The following ENPP7 variants were observed in gnomAD, a reference collection of about 807,000 sequenced individuals.
The protein encoded by ENPP7 is ectonucleotide pyrophosphatase/phosphodiesterase family member 7.
A neutral mutation model predicts 33.6 loss-of-function variants in ENPP7; 39 were observed. The observed-to-expected ratio is 1.16, with a 90% confidence interval of 0.90 to 1.52. The LOEUF (loss-of-function observed/expected upper bound fraction) is 1.52, where lower values mean the gene tolerates loss of function less well. ENPP7 is among the 40% of genes most tolerant of loss of function. ENPP7 has a pLI of 0.00. For missense variants in ENPP7, 594 were observed against 641.0 expected (o/e 0.93, Z 0.79); for synonymous variants, 244 against 274.3 (o/e 0.89, Z 1.09).
chr17:79,736,969 G>A, intron 3 of ENPP7, 72 bp from the exon 4 acceptor site: 1 of 1,313,838 alleles, frequency 7.6e-7, no homozygotes, highest in Non-Finnish European at 1.1e-6. Context: ...GTGTTCATAG[G>A]GTGGATAGGG....
chr17:79,735,471 G>C lies in ENPP7; in HGVS notation c.828G>C (p.Glu276Asp). The change falls in exon 3 of 6, where the codon GAG (glutamate) becomes GAC (aspartate). Residue 276 changes from glutamate (E) to aspartate (D), a missense_variant. Around this residue, in one of 3 missense-constraint regions of ENPP7, gnomAD observed 504 missense variants for 512.8 expected, o/e 0.98. Coordinates refer to ENST00000328313, the MANE Select transcript of ENPP7 (RefSeq NM_178543.5). This position sits in a 1 kb window ranked among gnomAD's most constrained non-coding sequence, Gnocchi z 5.5. ...TCACCTTCCGGGACATCGAGTTTGA[G>C]CTCCTGGACTACGGACCAAACGGGA... is the stretch of plus-strand genomic sequence containing the variant. ...PNFTFRDIEF[E>D]LLDYGPNGML... 6.2e-7 allele frequency: 1 copy of C among 1,614,106 alleles called. No individual in the cohort carries two copies. The highest frequency in any genetic ancestry group is 8.5e-7 in the Non-Finnish European group (1 of 1,180,030).
Position 79,737,321 on chromosome 17 carries a change from G to T in ENPP7, c.1246+61G>T. On this transcript the variant is annotated intron_variant, in intron 4 of 5. Coordinates refer to ENST00000328313, the MANE Select transcript of ENPP7 (RefSeq NM_178543.5). The surrounding 1 kb of genome is among the most constrained non-coding windows in gnomAD (Gnocchi z 5.5). ...GGTGTGTACACGTGTGCACACGAGGGTGCCTGCATGCCTGTGACCAGGACA... is the reference window on the plus strand; with the variant it reads ...GGTGTGTACACGTGTGCACACGAGGTTGCCTGCATGCCTGTGACCAGGACA... The T allele has an allele frequency of 7.1e-7, 1 of 1,403,608 alleles. No homozygotes were observed. Among genetic ancestry groups the T allele is most frequent in the East Asian group, 2.5e-5 (1 of 40,070 alleles). The allele number at this position is 1,403,608 out of a possible 1,614,324, so 86.9% of individuals were successfully genotyped here.
At position 79,739,949 on chromosome 17, in the gene ENPP7, C is replaced by T. The variant is rs1555824290; in HGVS notation, c.*17-1845C>T. ...GCTTCCGCCTGGAACCCCAGTACTT[C>T]CAGAGGCCGACGCAGGAGGATCGCT... On this transcript the variant is annotated intron_variant, in intron 5 of 5. Coordinates refer to ENST00000328313, the MANE Select transcript of ENPP7 (RefSeq NM_178543.5). The surrounding 1 kb of genome is among the most constrained non-coding windows in gnomAD (Gnocchi z 4.4). Among the ~76,000 whole-genome samples, 1 of 152,200 alleles carries T rather than the reference C, an allele frequency of 6.6e-6. No individual in the cohort carries two copies. The highest frequency in any genetic ancestry group is 2.4e-5 in the African/African-American group (1 of 41,458).
rs536720455 is a variant in ENPP7, at chr17:79,737,631, C to A, written c.1247-285C>A. On this transcript the variant is annotated intron_variant, in intron 4 of 5. Coordinates refer to ENST00000328313, the MANE Select transcript of ENPP7 (RefSeq NM_178543.5). The surrounding 1 kb of genome is among the most constrained non-coding windows in gnomAD (Gnocchi z 5.5). ...CTTTCTGGAATCTTCCTGTATCAGC[C>A]TCCCACACACACACCTCCCCACTGG... Among the ~76,000 whole-genome samples, 27 of 152,316 alleles carry A rather than the reference C, an allele frequency of 1.8e-4. No homozygotes were observed. Among genetic ancestry groups the A allele is most frequent in the African/African-American group, 6.3e-4 (26 of 41,578 alleles).
chr17:79,732,229 A>G lies in ENPP7; in HGVS notation c.253+837A>G, dbSNP rs183150165. ...GAGGTAGAGGCTGCAGTGAGCTGCA[A>G]TCACACCACTGCACTCCAGCCTGGG... is the stretch of plus-strand genomic sequence containing the variant. On this transcript the variant is annotated intron_variant, in intron 1 of 5. Coordinates refer to ENST00000328313, the MANE Select transcript of ENPP7 (RefSeq NM_178543.5). Among the ~76,000 whole-genome samples, 178 of 147,458 alleles carry G rather than the reference A, an allele frequency of 1.2e-3. 2 individuals are homozygous for G. Among genetic ancestry groups the G allele is most frequent in the African/African-American group, 4.1e-3 (167 of 40,264 alleles).
At chr17:79,741,714 C>A in intron 5 of ENPP7, 80 bp from the exon 6 acceptor site, 1 of 815,520 alleles carries the variant, frequency 1.2e-6, no homozygotes, top group Non-Finnish European at 1.5e-6. Context: ...CGCACCGCTG[C>A]TTCACCTGTC....
rs139008925 is a variant in ENPP7 at position 79,735,668 on chromosome 17, G to A, written c.1025G>A (p.Gly342Glu). Residue 342 changes from glycine (G) to glutamate (E), a missense_variant and splice_region_variant, in exon 3 of 6, where the codon GGG becomes GAG. Around this residue, in one of 3 missense-constraint regions of ENPP7, gnomAD observed 504 missense variants for 512.8 expected, o/e 0.98. Transcript: ENST00000328313. The surrounding 1 kb of genome is among the most constrained non-coding windows in gnomAD (Gnocchi z 5.5). ...AGCGACCTTGGCTACGTCATCCATG[G>A]GGTGAGTCGCCTGCTGGAGGCACCA... The part of the protein sequence containing the change: ...MYSDLGYVIH[G>E]RINVQFNNGE... 9 of 1,601,484 alleles carry A rather than the reference G, an allele frequency of 5.6e-6. No homozygotes were observed. The African/African-American group carries it at 1.2e-4, about 21-fold the overall frequency.
At chr17:79,736,105 A>G (rs981095229) in intron 3 of ENPP7, among the ~76,000 whole-genome samples, 2 of 152,096 alleles carry the variant, frequency 1.3e-5, no homozygotes, top group South Asian at 4.1e-4. Context: ...GAGTTTCACC[A>G]TGTTGGCCAG....
In ENPP7 at chr17:79,730,948, C is replaced by G. The variant is rs1178804778; in HGVS notation, c.-192C>G. On this transcript the variant is annotated 5_prime_UTR_variant, in exon 1 of 6. Coordinates refer to ENST00000328313, the MANE Select transcript of ENPP7 (RefSeq NM_178543.5). ...GCTCAAGTTGATGCCACCCCACGCA[C>G]GTGAGGCTGGGACCAGGGGTGGCAC... is the stretch of plus-strand genomic sequence containing the variant. The G allele has an allele frequency of 3.9e-5, 24 of 613,682 alleles. No individual in the cohort carries two copies. Among genetic ancestry groups the G allele is most frequent in the Non-Finnish European group, 1.1e-5 (4 of 354,462 alleles). 38.0% of individuals were successfully genotyped at this position (613,682 alleles called of 1,614,324 possible).
intron 5 of ENPP7, among the ~76,000 whole-genome samples, chr17:79,740,905 TG>T (rs1204835752): frequency 2.6e-5 from 4 of 152,330 alleles, no homozygotes; most frequent in African/African-American, 9.6e-5. Flanking sequence ...TGCTAAGAGC[TG>T]GGGGGTCCGA....
Position 79,733,443 on chromosome 17 carries a change from C to T in ENPP7, c.254-65C>T, listed in dbSNP as rs1233219076. 4 of 1,551,948 alleles carry T rather than the reference C, an allele frequency of 2.6e-6. No homozygotes were observed. In the Admixed American group the frequency reaches 6.9e-5, roughly 27 times the overall value. On this transcript the variant is annotated intron_variant, in intron 1 of 5. Coordinates refer to ENST00000328313, the MANE Select transcript of ENPP7 (RefSeq NM_178543.5). ...TGTTTTGACTTCGCCTCTTCCAGCC[C>T]TGGGTCCGGCCTTCGCTGTGACCCC...
rs1170829898 is a variant in ENPP7 at position 79,735,529 on chromosome 17, G to A, written c.886G>A (p.Val296Met). ...LLPKEGRLEKVYDALKDAHPK... is the reference protein window; with the variant it reads ...LLPKEGRLEKMYDALKDAHPK... Reference sequence around the variant, plus strand: ...CCCTAAAGAAGGGAGGCTGGAGAAGGTGTACGATGCCCTCAAGGACGCCCA... The same window carrying A: ...CCCTAAAGAAGGGAGGCTGGAGAAGATGTACGATGCCCTCAAGGACGCCCA... Residue 296 changes from valine to methionine, a missense_variant, in exon 3 of 6, where the codon GTG becomes ATG. Val to Met is a conservative substitution (Grantham distance 21, BLOSUM62 1). This residue lies in a region of ENPP7 where 504 missense variants were observed against 512.8 expected (regional missense o/e 0.98). Transcript: ENST00000328313. The surrounding 1 kb of genome is among the most constrained non-coding windows in gnomAD (Gnocchi z 5.5). 1.2e-6 allele frequency: 2 copies of A among 1,613,846 alleles called. No homozygotes were observed. Among genetic ancestry groups the A allele is most frequent in the African/African-American group, 1.3e-5 (1 of 74,906 alleles).
At chr17:79,741,008 A>G (rs1322181895) in intron 5 of ENPP7, among the ~76,000 whole-genome samples, 1 of 151,728 alleles carries the variant, frequency 6.6e-6, no homozygotes, top group Non-Finnish European at 1.5e-5. Flanking sequence ...TTTTTTACAC[A>G]GATTCTCACT....
chr17:79,731,836 G>A (rs186324487), intron 1 of ENPP7, among the ~76,000 whole-genome samples: 1,608 of 152,206 alleles, frequency 0.011, 35 homozygotes, highest in African/African-American at 0.037. Context: ...AGTGGCCCAC[G>A]CCTGTAATCC....
intron 5 of ENPP7, among the ~76,000 whole-genome samples, chr17:79,741,501 C>T (rs1389143712): frequency 6.6e-6 from 1 of 152,182 alleles, no homozygotes. Flanking sequence ...CCCTCCCCTC[C>T]CAGCCCTGGG....
intron 2 of ENPP7, among the ~76,000 whole-genome samples, chr17:79,734,508 C>T (rs148936861): frequency 0.04 from 5,868 of 146,380 alleles, 144 homozygotes; most frequent in South Asian, 0.089. Context: ...GACGGAGTCT[C>T]GCTCTGTCGC....
intron 1 of ENPP7, among the ~76,000 whole-genome samples, chr17:79,732,746 C>T (rs11871061): frequency 0.52 from 79,320 of 152,114 alleles, 22,994 homozygotes; most frequent in Admixed American, 0.65. Context: ...GGTATACATC[C>T]CCTTACCCTA....
At chr17:79,733,836 T>C (rs1453349304) in intron 2 of ENPP7, among the ~76,000 whole-genome samples, 183 bp downstream of exon 2, 1 of 152,006 alleles carries the variant, frequency 6.6e-6, no homozygotes, top group Non-Finnish European at 1.5e-5. Context: ...TGGTGGGTGC[T>C]GGTGAGGACT....
At position 79,737,938 on chromosome 17, in the gene ENPP7, A is replaced by C; in HGVS notation, c.1269A>C (p.Gly423=). 2.5e-6 allele frequency: 4 copies of C among 1,613,828 alleles called. No homozygotes were observed. Among genetic ancestry groups the C allele is most frequent in the Non-Finnish European group, 2.5e-6 (3 of 1,180,000 alleles). ...LHTESALPPD[G]RPTLLPKGRS... ...TAGAATCTGCTCTTCCGCCTGATGG[A>C]AGGCCTACTCTCCTGCCCAAGGGAA... Residue 423 remains glycine, a synonymous_variant, in exon 5 of 6, where the codon GGA becomes GGC. Coordinates refer to ENST00000328313, the MANE Select transcript of ENPP7 (RefSeq NM_178543.5). This position sits in a 1 kb window ranked among gnomAD's most constrained non-coding sequence, Gnocchi z 5.5.
Sources: allele counts gnomAD v4.1 joint callset (sites outside exome capture counted in the v4.1 genomes callset), GRCh38; gene constraint gnomAD v4.1.1; regional missense constraint gnomAD v4.1.1; non-coding constraint Gnocchi (gnomAD v3.1); transcripts MANE v1.5; gene names NCBI Gene and HGNC (gene_info 2026-07-23, HGNC 2026-07-21).